HS6ST3: variants seen among roughly 807,000 people sequenced by gnomAD.
The protein encoded by HS6ST3 is heparan sulfate 6-O-sulfotransferase 3.
In HS6ST3, 12 loss-of-function variants were observed where a neutral mutation model predicts 36.7. The ratio of observed to expected loss-of-function variants is 0.33; its 90% CI spans 0.21 to 0.53. The LOEUF (loss-of-function observed/expected upper bound fraction) is 0.53, where lower values mean the gene tolerates loss of function less well. HS6ST3 is among the 20% of genes least tolerant of loss of function. HS6ST3 has a pLI of 0.95. For missense variants in HS6ST3, 584 were observed against 640.9 expected (o/e 0.91, Z 0.96); for synonymous variants, 240 against 257.5 (o/e 0.93, Z 0.65).
chr13:96,252,573 A>G lies in HS6ST3; in HGVS notation c.707+161004A>G, dbSNP rs189717165. Reference sequence around the variant, plus strand: ...TGTTTCAGTGTTCTGGTTTCTCCCAATCCATCAAAGTTGAGCCAGTTGCTC... The same window carrying G: ...TGTTTCAGTGTTCTGGTTTCTCCCAGTCCATCAAAGTTGAGCCAGTTGCTC... On this transcript the variant is annotated intron_variant, in intron 1 of 1. Coordinates refer to ENST00000376705, the MANE Select transcript of HS6ST3 (RefSeq NM_153456.4). Among the ~76,000 whole-genome samples the G allele has an allele frequency of 1.7e-3, 259 of 152,230 alleles. 3 individuals carry two copies. Among genetic ancestry groups the G allele is most frequent in the Non-Finnish European group, 3.1e-4 (21 of 68,030 alleles).
intron 1 of HS6ST3, among the ~76,000 whole-genome samples, chr13:96,789,007 A>C (rs532520345): frequency 6.6e-6 from 1 of 151,434 alleles, no homozygotes; most frequent in South Asian, 2.1e-4. Flanking sequence ...GACTATTTAC[A>C]TTTCATTACT....
At chr13:96,752,684 A>G (rs762396660) in intron 1 of HS6ST3, among the ~76,000 whole-genome samples, 1 of 151,962 alleles carries the variant, frequency 6.6e-6, no homozygotes, top group Admixed American at 6.6e-5. Context: ...GGATTTCTGG[A>G]CACATTCTAG....
chr13:96,166,427 C>T (rs1234163848), intron 1 of HS6ST3, among the ~76,000 whole-genome samples: 1 of 152,148 alleles, frequency 6.6e-6, no homozygotes, highest in Non-Finnish European at 1.5e-5. Flanking sequence ...CCTCTAAGCC[C>T]TTTGCACAGA....
intron 1 of HS6ST3, among the ~76,000 whole-genome samples, chr13:96,347,910 T>C (rs2055163622): frequency 6.6e-6 from 1 of 152,224 alleles, no homozygotes; most frequent in East Asian, 1.9e-4. Flanking sequence ...TGTTTAATTC[T>C]TGACATTTCC....
chr13:96,350,116 T>C (rs1402340585), intron 1 of HS6ST3, among the ~76,000 whole-genome samples: 1 of 152,250 alleles, frequency 6.6e-6, no homozygotes, highest in East Asian at 1.9e-4. Context: ...CTTGCCCAGA[T>C]TGCATAGTCT....
intron 1 of HS6ST3, among the ~76,000 whole-genome samples, chr13:96,655,261 C>G (rs2056620908): frequency 6.6e-6 from 1 of 152,120 alleles, no homozygotes. Context: ...GAACCCCTGA[C>G]AGTCGCCTGC....
At chr13:96,131,305 G>A (rs916100651) in intron 1 of HS6ST3, among the ~76,000 whole-genome samples, 7 of 151,926 alleles carry the variant, frequency 4.6e-5, no homozygotes, top group Admixed American at 2.0e-4. Flanking sequence ...TCTTTAGAAT[G>A]TTTTTCTTTG....
intron 1 of HS6ST3, among the ~76,000 whole-genome samples, chr13:96,585,867 T>A (rs2138972084): frequency 6.6e-6 from 1 of 152,326 alleles, no homozygotes; most frequent in East Asian, 1.9e-4. Context: ...GGACACTTAA[T>A]TGACTCCATA....
At chr13:96,495,463 T>G (rs189783348) in intron 1 of HS6ST3, among the ~76,000 whole-genome samples, 53 of 152,292 alleles carry the variant, frequency 3.5e-4, no homozygotes, top group Middle Eastern at 3.4e-3. Context: ...ACACTGAGAG[T>G]TCGTGGTTTT....
chr13:96,166,575 C>CTTTTTTTTTTTTCTTTTTTTTTTTT (rs2054161256), intron 1 of HS6ST3, among the ~76,000 whole-genome samples: 1 of 131,588 alleles, frequency 7.6e-6, no homozygotes, highest in African/African-American at 2.8e-5. Flanking sequence ...TTCTTTCTTT[C>CTTTTTTTTTTTTCTTTTTTTTTTTT]TTTTTTTTTT....
intron 1 of HS6ST3, among the ~76,000 whole-genome samples, chr13:96,209,712 G>C (rs376315088): frequency 3.9e-5 from 6 of 152,156 alleles, no homozygotes; most frequent in African/African-American, 1.4e-4. Flanking sequence ...TTCAACCTTA[G>C]TCCAGCCTAG....
chr13:96,237,123 T>G (rs973913623), intron 1 of HS6ST3, among the ~76,000 whole-genome samples: 2 of 152,102 alleles, frequency 1.3e-5, no homozygotes, highest in African/African-American at 4.8e-5. Context: ...ATGATTCAAT[T>G]TACCTCTCAC....
intron 1 of HS6ST3, among the ~76,000 whole-genome samples, chr13:96,592,239 C>T (rs571178271): frequency 1.1e-4 from 16 of 152,096 alleles, no homozygotes; most frequent in African/African-American, 1.7e-4. Context: ...AACAACTAAA[C>T]GCTGTTTGCA....
At chr13:96,408,625 C>A (rs1340507352) in intron 1 of HS6ST3, among the ~76,000 whole-genome samples, 1 of 151,892 alleles carries the variant, frequency 6.6e-6, no homozygotes, top group Admixed American at 6.6e-5. Flanking sequence ...AGAAGCAAGA[C>A]AAAAATATGC....
intron 1 of HS6ST3, among the ~76,000 whole-genome samples, chr13:96,145,115 CGT>C (rs2054050926): frequency 2.8e-4 from 2 of 7,168 alleles, no homozygotes; most frequent in Non-Finnish European, 7.3e-4. Flanking sequence ...CATACGTGTG[CGT>C]GTGCATGTGT....
At chr13:96,517,756 C>T (rs1004637945) in intron 1 of HS6ST3, among the ~76,000 whole-genome samples, 17 of 152,064 alleles carry the variant, frequency 1.1e-4, no homozygotes, top group African/African-American at 3.9e-4. Context: ...TCCTGCCACC[C>T]CCCACTCTCA....
intron 1 of HS6ST3, among the ~76,000 whole-genome samples, chr13:96,353,155 G>A (rs544626533): frequency 1.4e-5 from 2 of 147,244 alleles, no homozygotes; most frequent in East Asian, 2.0e-4. Context: ...CCAGGTTCAC[G>A]TGATTCTCCT....
intron 1 of HS6ST3, among the ~76,000 whole-genome samples, chr13:96,706,213 T>C (rs530394894): frequency 6.6e-6 from 1 of 152,000 alleles, no homozygotes; most frequent in South Asian, 2.1e-4. Flanking sequence ...CCTAGGACCA[T>C]ATGCCCCTAA....
chr13:96,367,154 CT>C (rs1350422446), intron 1 of HS6ST3, among the ~76,000 whole-genome samples: 2 of 152,110 alleles, frequency 1.3e-5, no homozygotes, highest in African/African-American at 4.8e-5. Context: ...GCATTTTTCT[CT>C]TGTATAACGG....
Sources: allele counts gnomAD v4.1 joint callset (sites outside exome capture counted in the v4.1 genomes callset), GRCh38; gene constraint gnomAD v4.1.1; transcripts MANE v1.5; gene names NCBI Gene and HGNC (gene_info 2026-07-23, HGNC 2026-07-21).